The following NANOG variants were observed in gnomAD, a reference collection of about 807,000 sequenced individuals.
NANOG encodes homeobox protein NANOG.
In NANOG, 2 loss-of-function variants were observed where a neutral mutation model predicts 17.7. The ratio of observed to expected loss-of-function variants is 0.11; its 90% CI spans 0.05 to 0.36. NANOG has a LOEUF of 0.36. Among genes scored for constraint, NANOG ranks in the 10% least tolerant of loss-of-function variants. The pLI is 1.00. For synonymous variants in NANOG, 81 were observed against 124.7 expected (o/e 0.65, Z 2.33); for missense variants, 174 against 362.1 (o/e 0.48, Z 4.22).
chr12:7,796,143 A>G lies in NANOG; in HGVS notation c.*1048A>G, dbSNP rs971506666. ...TCTTAGAAATGCATAGAAATAGCTG[A>G]GCGTGGTGGCCTATGCCTGTAGTCC... On this transcript the variant is annotated 3_prime_UTR_variant, in exon 4 of 4. Coordinates refer to ENST00000229307, the MANE Select transcript of NANOG (RefSeq NM_024865.4). The G allele has an allele frequency of 1.3e-5, 2 of 152,132 alleles. No individual in the cohort carries two copies. The highest frequency in any genetic ancestry group is 2.4e-5 in the African/African-American group (1 of 41,460). 9.4% of individuals were successfully genotyped at this position (152,132 alleles called of 1,614,324 possible).
chr12:7,793,870 T>A (rs1194281620), intron 2 of NANOG, among the ~76,000 whole-genome samples: 17 of 152,084 alleles, frequency 1.1e-4, no homozygotes, highest in Admixed American at 5.9e-4. Context: ...GCCTCCCAAG[T>A]AGCTGGGATT....
rs1862963579 is a variant in NANOG, at chr12:7,799,006, T to C, written c.*3911T>C. On this transcript the variant is annotated 3_prime_UTR_variant, in exon 4 of 4. Transcript: ENST00000229307. ...GGATACCGAAATGTAGGAATTTGAATGGGTTCCTGGGTGTGAGGTTGAAGT... is the reference window on the plus strand; with the variant it reads ...GGATACCGAAATGTAGGAATTTGAACGGGTTCCTGGGTGTGAGGTTGAAGT... The C allele has an allele frequency of 6.6e-6, 1 of 151,080 alleles. No individual in the cohort carries two copies. The highest frequency in any genetic ancestry group is 2.4e-5 in the African/African-American group (1 of 41,052). The allele number at this position is 151,080 out of a possible 1,614,324, so 9.4% of individuals were successfully genotyped here.
rs1198117763 is a variant in NANOG, at chr12:7,797,161, TCTC to T, written c.*2069_*2071del. 4 of 152,212 alleles carry T rather than the reference TCTC, an allele frequency of 2.6e-5. No homozygotes were observed. Among genetic ancestry groups the T allele is most frequent in the Non-Finnish European group, 4.4e-5 (3 of 68,138 alleles). The allele number at this position is 152,212 out of a possible 1,614,324, so 9.4% of individuals were successfully genotyped here. ...CCTCCGCCTCCTGGGTTCGAGCAAT[TCTC>T]CTGCGTCAGCCTCCTAAGTAGCTGG... On this transcript the variant is annotated 3_prime_UTR_variant, in exon 4 of 4. Transcript: ENST00000229307.
intron 2 of NANOG, among the ~76,000 whole-genome samples, chr12:7,793,535 C>A (rs1024751249): frequency 6.6e-6 from 1 of 152,180 alleles, no homozygotes; most frequent in Non-Finnish European, 1.5e-5. Context: ...CACACTGGTT[C>A]TCATTAAAAT....
In NANOG at chr12:7,798,921, TAAAG is replaced by T. The variant is rs1251011311; in HGVS notation, c.*3833_*3836del. ...CAAGGGGGAGATGAAGGGAATTTGT[TAAAG>T]AAAGAAGTCACTGGGACAGACAAAA... is the stretch of plus-strand genomic sequence containing the variant. On this transcript the variant is annotated 3_prime_UTR_variant, in exon 4 of 4. Coordinates refer to ENST00000229307, the MANE Select transcript of NANOG (RefSeq NM_024865.4). The T allele has an allele frequency of 1.2e-4, 18 of 148,782 alleles. No individual in the cohort carries two copies. The highest frequency in any genetic ancestry group is 2.1e-4 in the Admixed American group (3 of 14,550). 9.2% of individuals were successfully genotyped at this position (148,782 alleles called of 1,614,324 possible).
rs200461817 is a variant in NANOG at position 7,794,717 on chromosome 12, C to T, written c.540C>T (p.Ser180=). 3.8e-5 allele frequency: 61 copies of T among 1,588,386 alleles called. 2 individuals are homozygous for T. The South Asian group carries it at 6.1e-4, about 16-fold the overall frequency. ...CTACCTACCCCAGCCTTTACTCTTC[C>T]TACCACCAGGGATGCCTGGTGAACC... ...SAPTYPSLYS[S]YHQGCLVNPT... The change falls in exon 4 of 4, where the codon TCC becomes TCT. Residue 180 remains serine (S), a synonymous_variant. Coordinates refer to ENST00000229307, the MANE Select transcript of NANOG (RefSeq NM_024865.4).
Position 7,794,490 on chromosome 12 carries a change from T to A in NANOG, c.448T>A (p.Ser150Thr). The A allele has an allele frequency of 6.2e-7, 1 of 1,613,398 alleles. No individual in the cohort carries two copies. The highest frequency in any genetic ancestry group is 2.2e-5 in the East Asian group (1 of 44,876). The stretch of plus-strand genomic sequence containing the variant: ...CTGGTTCCAGAACCAGAGAATGAAA[T>A]CTAAGAGGTGGCAGAAAAACAACTG... ...KTWFQNQRMK[S>T]KRWQKNNWPK... The change falls in exon 3 of 4, where the codon TCT becomes ACT. Residue 150 changes from serine to threonine, a missense_variant. Transcript: ENST00000229307.
rs1862804137 is a variant in NANOG, at chr12:7,789,495, T to C, written c.-120T>C. 1 of 819,722 alleles carries C rather than the reference T, an allele frequency of 1.2e-6. No individual in the cohort carries two copies. The highest frequency in any genetic ancestry group is 1.7e-5 in the African/African-American group (1 of 57,902). The allele number at this position is 819,722 out of a possible 1,614,324, so 50.8% of individuals were successfully genotyped here. A position where few individuals can be genotyped will look rare whatever the true frequency, so the allele number is the denominator to read the frequency against. Reference sequence around the variant, plus strand: ...GGCAACTCACTTTATCCCAATTTCTTGATACTTTTCCTTCTGGAGGTCCTA... The same window carrying C: ...GGCAACTCACTTTATCCCAATTTCTCGATACTTTTCCTTCTGGAGGTCCTA... On this transcript the variant is annotated 5_prime_UTR_variant, in exon 1 of 4. It removes the in-frame stop codon of an upstream open reading frame in the 5' UTR. Transcript: ENST00000229307.
At chr12:7,790,022 G>A (rs12821942) in intron 1 of NANOG, among the ~76,000 whole-genome samples, 74,807 of 151,992 alleles carry the variant, frequency 0.49, 19,882 homozygotes, top group Non-Finnish European at 0.58. Context: ...TGTGCAGTAA[G>A]TTTGAGAACC....
At position 7,795,614 on chromosome 12, in the gene NANOG, G is replaced by A. The variant is rs1461460671; in HGVS notation, c.*519G>A. 1 of 70,532 alleles carries A rather than the reference G, an allele frequency of 1.4e-5. No homozygotes were observed. Among genetic ancestry groups the A allele is most frequent in the African/African-American group, 3.6e-5 (1 of 27,874 alleles). 4.4% of individuals were successfully genotyped at this position (70,532 alleles called of 1,614,324 possible). A position where few individuals can be genotyped will look rare whatever the true frequency, so the allele number is the denominator to read the frequency against. On this transcript the variant is annotated 3_prime_UTR_variant, in exon 4 of 4. Transcript: ENST00000229307. ...GGGATTTACAGGCGTGAGCCACCGC[G>A]CCCTGCCTAGAAAAGACATTTTAAT...
intron 1 of NANOG, among the ~76,000 whole-genome samples, chr12:7,792,650 G>A (rs115487949): frequency 1.3e-5 from 2 of 151,884 alleles, no homozygotes; most frequent in African/African-American, 2.4e-5. Context: ...GGCAACAAGA[G>A]TGAACCTCCA....
At chr12:7,791,131 C>T (rs1407852518) in intron 1 of NANOG, among the ~76,000 whole-genome samples, 1 of 146,480 alleles carries the variant, frequency 6.8e-6, no homozygotes, top group African/African-American at 2.5e-5. Flanking sequence ...TTTTTTGAGA[C>T]AGGGTCTCAT....
intron 1 of NANOG, among the ~76,000 whole-genome samples, 169 bp from the exon 2 acceptor site, chr12:7,792,781 T>C (rs757712206): frequency 6.6e-6 from 1 of 152,292 alleles, no homozygotes; most frequent in African/African-American, 2.4e-5. Context: ...CTTGGAGTAA[T>C]ACTATATAAA....
intron 1 of NANOG, among the ~76,000 whole-genome samples, chr12:7,791,596 C>T (rs1340497348): frequency 6.6e-6 from 1 of 152,094 alleles, no homozygotes; most frequent in African/African-American, 2.4e-5. Flanking sequence ...TGTTTTAGAG[C>T]CTGTCCCTTT....
chr12:7,791,841 T>C (rs1862845126), intron 1 of NANOG, among the ~76,000 whole-genome samples: 1 of 152,226 alleles, frequency 6.6e-6, no homozygotes, highest in Non-Finnish European at 1.5e-5. Context: ...CAGAAGCTTA[T>C]CCGGATTCAC....
At position 7,794,726 on chromosome 12, in the gene NANOG, G is replaced by A. The variant is rs2120574038; in HGVS notation, c.549G>A (p.Gln183=). The change falls in exon 4 of 4, where the codon CAG becomes CAA. Residue 183 remains glutamine, a synonymous_variant. Transcript: ENST00000229307. ...CCAGCCTTTACTCTTCCTACCACCA[G>A]GGATGCCTGGTGAACCCGACTGGGA... ...TYPSLYSSYH[Q]GCLVNPTGNL... 1 of 1,577,268 alleles carries A rather than the reference G, an allele frequency of 6.3e-7. No homozygotes were observed. The highest frequency in any genetic ancestry group is 8.6e-7 in the Non-Finnish European group (1 of 1,162,484).
rs1167930045 is a variant in NANOG, at chr12:7,789,609, A to G, written c.-6A>G. Reference sequence around the variant, plus strand: ...AAATTTTTTCCTCCTCTTCCTCTATACTAACATGAGTGTGGATCCAGCTTG... The same window carrying G: ...AAATTTTTTCCTCCTCTTCCTCTATGCTAACATGAGTGTGGATCCAGCTTG... On this transcript the variant is annotated 5_prime_UTR_variant, in exon 1 of 4. The change creates a new upstream start codon in the 5' untranslated region. Coordinates refer to ENST00000229307, the MANE Select transcript of NANOG (RefSeq NM_024865.4). 2.5e-6 allele frequency: 4 copies of G among 1,613,200 alleles called. No individual in the cohort carries two copies. In the African/African-American group the frequency reaches 5.3e-5, roughly 22 times the overall value.
Position 7,798,044 on chromosome 12 carries a change from T to C in NANOG, c.*2949T>C, listed in dbSNP as rs1312350158. 2 of 152,150 alleles carry C rather than the reference T, an allele frequency of 1.3e-5. No homozygotes were observed. The highest frequency in any genetic ancestry group is 2.9e-5 in the Non-Finnish European group (2 of 68,028). The allele number at this position is 152,150 out of a possible 1,614,324, so 9.4% of individuals were successfully genotyped here. On this transcript the variant is annotated 3_prime_UTR_variant, in exon 4 of 4. Transcript: ENST00000229307. ...TAAGAATTTAGAGATCTATTTGGAATAATCTTTAAAGTAACAATAATAACT... is the reference window on the plus strand; with the variant it reads ...TAAGAATTTAGAGATCTATTTGGAACAATCTTTAAAGTAACAATAATAACT...
intron 1 of NANOG, among the ~76,000 whole-genome samples, chr12:7,792,577 T>C (rs1449634859): frequency 1.3e-5 from 2 of 152,074 alleles, no homozygotes; most frequent in Non-Finnish European, 2.9e-5. Flanking sequence ...GGCAGGAGAA[T>C]CGCTTGAACC....
Sources: allele counts gnomAD v4.1 joint callset (sites outside exome capture counted in the v4.1 genomes callset), GRCh38; gene constraint gnomAD v4.1.1; transcripts MANE v1.5; gene names NCBI Gene and HGNC (gene_info 2026-07-23, HGNC 2026-07-21).